The following TASP1 variants were observed in gnomAD, a reference collection of about 807,000 sequenced individuals.
TASP1 encodes threonine aspartase 1.
A neutral mutation model predicts 56.6 loss-of-function variants in TASP1; 16 were observed. The observed-to-expected ratio is 0.28, with a 90% CI of 0.19 to 0.43. The LOEUF is 0.43. Ranked by LOEUF, TASP1 falls within the 20% of genes least tolerant of loss-of-function variation. The probability of loss-of-function intolerance (pLI) is 1.00; values close to 1 mark genes in which losing one functional copy is unlikely to be tolerated. For synonymous variants in TASP1, 179 were observed against 184.2 expected (o/e 0.97, Z 0.23); for missense variants, 393 against 511.6 (o/e 0.77, Z 2.24).
chr20:13,319,651 T>C, the TASP1 span, among the ~76,000 whole-genome samples: 1 of 152,234 alleles, frequency 6.6e-6, no homozygotes, highest in South Asian at 2.1e-4. Flanking sequence ...TCCAGAGTTC[T>C]AAGGTTGCTA....
intron 2 of TASP1, among the ~76,000 whole-genome samples, chr20:13,628,058 T>C (rs113705579): frequency 1.4e-4 from 21 of 152,348 alleles, no homozygotes; most frequent in African/African-American, 4.8e-4. Flanking sequence ...TTCTCCACTT[T>C]GGAACACAGA....
chr20:13,627,985 A>T (rs2048956454), intron 2 of TASP1, among the ~76,000 whole-genome samples: 1 of 152,214 alleles, frequency 6.6e-6, no homozygotes, highest in African/African-American at 2.4e-5. Context: ...CTGGTCTCCT[A>T]CGGAAAATGT....
At chr20:13,157,869 C>T in the TASP1 span, among the ~76,000 whole-genome samples, 2 of 152,288 alleles carry the variant, frequency 1.3e-5, no homozygotes, top group South Asian at 4.1e-4. Flanking sequence ...TGTGGAAGCA[C>T]TTCTTCCATT....
At chr20:13,557,809 A>C (rs1382060327) in intron 8 of TASP1, among the ~76,000 whole-genome samples, 1 of 151,788 alleles carries the variant, frequency 6.6e-6, no homozygotes, top group Non-Finnish European at 1.5e-5. Context: ...GAGCTCTAGT[A>C]ATCCACCCAC....
intron 12 of TASP1, among the ~76,000 whole-genome samples, chr20:13,425,597 C>CT (rs1461544333): frequency 1.3e-5 from 2 of 152,188 alleles, no homozygotes; most frequent in Non-Finnish European, 2.9e-5. Flanking sequence ...CCGTCTTGGG[C>CT]TGGGCAGTTG....
the TASP1 span, among the ~76,000 whole-genome samples, chr20:13,140,817 A>G: frequency 6.6e-6 from 1 of 152,240 alleles, no homozygotes; most frequent in Non-Finnish European, 1.5e-5. Flanking sequence ...CTTATAATGT[A>G]TGTGCACTGA....
intron 12 of TASP1, among the ~76,000 whole-genome samples, chr20:13,418,286 C>G (rs1053333303): frequency 5.9e-5 from 9 of 151,958 alleles, no homozygotes; most frequent in Non-Finnish European, 4.4e-5. Context: ...AGAGCTGGGA[C>G]AGAGAAAATA....
At chr20:13,591,839 G>A (rs1291230870) in intron 4 of TASP1, among the ~76,000 whole-genome samples, 3 of 152,212 alleles carry the variant, frequency 2.0e-5, no homozygotes, top group Admixed American at 2.0e-4. Context: ...AATGTTACAA[G>A]CTTCTGACAT....
chr20:13,148,538 T>C, the TASP1 span, among the ~76,000 whole-genome samples: 1 of 152,170 alleles, frequency 6.6e-6, no homozygotes, highest in Admixed American at 6.5e-5. Flanking sequence ...ACTCAGGAAC[T>C]GCTGGGAAGT....
At chr20:13,252,729 T>A in the TASP1 span, among the ~76,000 whole-genome samples, 1 of 151,712 alleles carries the variant, frequency 6.6e-6, no homozygotes. Flanking sequence ...GCACTCCAGC[T>A]TGGGCAACAG....
At chr20:13,543,026 G>T (rs1435173288) in intron 8 of TASP1, among the ~76,000 whole-genome samples, 1 of 152,172 alleles carries the variant, frequency 6.6e-6, no homozygotes, top group African/African-American at 2.4e-5. Context: ...AAAAGGCAAA[G>T]TTGGTTCTGT....
chr20:13,192,988 C>A, the TASP1 span, among the ~76,000 whole-genome samples: 1 of 152,146 alleles, frequency 6.6e-6, no homozygotes, highest in Non-Finnish European at 1.5e-5. Context: ...TTCAATGACA[C>A]CTGTACTTCA....
At chr20:13,485,119 T>TA in intron 10 of TASP1, among the ~76,000 whole-genome samples, 1 of 152,010 alleles carries the variant, frequency 6.6e-6, no homozygotes. Context: ...TCCCAAAACT[T>TA]AAAGTATAAT....
chr20:13,285,666 A>C, the TASP1 span, among the ~76,000 whole-genome samples: 2 of 152,238 alleles, frequency 1.3e-5, no homozygotes, highest in African/African-American at 4.8e-5. Flanking sequence ...CCATCCTGGA[A>C]TCAGCCCGAG....
chr20:13,198,061 C>T, the TASP1 span, among the ~76,000 whole-genome samples: 698 of 152,164 alleles, frequency 4.6e-3, 7 homozygotes, highest in African/African-American at 0.015. Context: ...CTAAAGTTTC[C>T]GCCAGTCTTT....
chr20:13,588,293 G>A (rs879366430), intron 4 of TASP1, among the ~76,000 whole-genome samples: 1,518 of 118,910 alleles, frequency 0.013, 10 homozygotes, highest in Middle Eastern at 0.06. Context: ...AAGGAAGGAA[G>A]GAAGGAAGGA....
chr20:13,417,661 T>G (rs2042302464), intron 12 of TASP1, 140 bp from the exon 13 acceptor site: 1 of 847,452 alleles, frequency 1.2e-6, no homozygotes, highest in African/African-American at 1.7e-5. Context: ...TTCATAAATG[T>G]CAAGATGATT....
At chr20:13,476,080 C>T (rs1358835627) in intron 11 of TASP1, among the ~76,000 whole-genome samples, 5 of 151,998 alleles carry the variant, frequency 3.3e-5, no homozygotes, top group Non-Finnish European at 5.9e-5. Context: ...GATCACGCCA[C>T]TGTACTCCAG....
chr20:13,509,195 A>G (rs6074618), intron 10 of TASP1, among the ~76,000 whole-genome samples: 54,176 of 150,662 alleles, frequency 0.36, 10,544 homozygotes, highest in Non-Finnish European at 0.43. Flanking sequence ...AAATCCTGTC[A>G]TTTGTGACAA....
Sources: allele counts gnomAD v4.1 joint callset (sites outside exome capture counted in the v4.1 genomes callset), GRCh38; gene constraint gnomAD v4.1.1; transcripts MANE v1.5; gene names NCBI Gene and HGNC (gene_info 2026-07-23, HGNC 2026-07-21).